Variants in NRK observed in about 807,000 individuals in gnomAD.
NRK encodes the protein nik-related protein kinase.
In NRK, 67 loss-of-function variants were observed where a neutral mutation model predicts 125.2. That is an observed-to-expected ratio of 0.54 (90% CI 0.44 to 0.66). The LOEUF (loss-of-function observed/expected upper bound fraction) is 0.66, where lower values mean the gene tolerates loss of function less well. Among genes scored for constraint, NRK ranks in the 30% least tolerant of loss-of-function variants. The probability of loss-of-function intolerance (pLI) is 0.00; values close to 1 mark genes in which losing one functional copy is unlikely to be tolerated. For missense variants in NRK, 1,224 were observed against 1,192.9 expected (o/e 1.03, Z -0.38); for synonymous variants, 458 against 429.0 (o/e 1.07, Z -0.84).
chrX:105,945,879 T>C lies in NRK; in HGVS notation c.4067T>C (p.Ile1356Thr), dbSNP rs769469390. 5.0e-6 allele frequency: 6 copies of C among 1,208,408 alleles called. No homozygotes were observed. Among genetic ancestry groups the C allele is most frequent in the Non-Finnish European group, 5.6e-6 (5 of 892,831 alleles). ...FDESTAIKVCIDQSADSEGDY... is the reference protein window; with the variant it reads ...FDESTAIKVCTDQSADSEGDY... ...CTTTTCATTCCCTACCAAGTATGCA[T>C]TGATCAATCAGCAGACTCTGAAGGA... is the stretch of plus-strand genomic sequence containing the variant. Residue 1356 changes from isoleucine to threonine, a missense_variant, in exon 25 of 29, where the codon ATT becomes ACT. Ile to Thr is a moderately conservative substitution (Grantham distance 89). Coordinates refer to ENST00000243300, the MANE Select transcript of NRK (RefSeq NM_198465.4).
At chrX:105,893,490 C>G (rs2040040321) in intron 5 of NRK, among the ~76,000 whole-genome samples, 2 of 111,944 alleles carry the variant, frequency 1.8e-5, no homozygotes, top group Non-Finnish European at 1.9e-5. Flanking sequence ...AAACTTCTTT[C>G]TAAAAGCATG....
At chrX:105,910,036 C>T (rs2040279101) in intron 13 of NRK, among the ~76,000 whole-genome samples, 154 bp downstream of exon 13, 1 of 111,742 alleles carries the variant, frequency 8.9e-6, no homozygotes, top group Admixed American at 9.5e-5. Flanking sequence ...AATAAATTTT[C>T]ATGAAATTTC....
chrX:105,933,177 T>C (rs998312022), intron 19 of NRK, among the ~76,000 whole-genome samples: 3 of 107,782 alleles, frequency 2.8e-5, no homozygotes, highest in African/African-American at 1.0e-4. Flanking sequence ...TCTATCTATC[T>C]ATCTATCTAT....
intron 26 of NRK, among the ~76,000 whole-genome samples, chrX:105,947,508 A>G (rs1445686146): frequency 9.0e-6 from 1 of 111,095 alleles, no homozygotes; most frequent in African/African-American, 3.3e-5. Context: ...TGTCATAAAA[A>G]TATTATACAC....
chrX:105,866,882 T>C (rs1480604025), intron 2 of NRK, among the ~76,000 whole-genome samples: 1 of 111,461 alleles, frequency 9.0e-6, no homozygotes, highest in African/African-American at 3.3e-5. Context: ...AAAAAGATTA[T>C]TTAATCTATT....
chrX:105,920,316 G>A (rs1304292656), intron 16 of NRK, among the ~76,000 whole-genome samples: 1 of 107,388 alleles, frequency 9.3e-6, no homozygotes, highest in Admixed American at 9.8e-5. Context: ...ATAGTTTGAA[G>A]TGAGGTAGTG....
chrX:105,939,592 C>G (rs1331258676), intron 22 of NRK, among the ~76,000 whole-genome samples: 2 of 110,777 alleles, frequency 1.8e-5, no homozygotes, highest in Non-Finnish European at 1.9e-5. Context: ...AATTATCTTG[C>G]CTGCATAGTG....
chrX:105,895,238 C>G (rs1335668569), intron 6 of NRK, 195 bp from the exon 7 acceptor site: 1 of 522,008 alleles, frequency 1.9e-6, no homozygotes, highest in Middle Eastern at 3.1e-4. Context: ...TTCCTTATAG[C>G]CAAAAGTCAT....
chrX:105,905,323 C>T lies in NRK; in HGVS notation c.825C>T (p.Pro275=), dbSNP rs1275561305. The T allele has an allele frequency of 1.7e-6, 2 of 1,198,196 alleles. No individual in the cohort carries two copies. Among genetic ancestry groups the T allele is most frequent in the Non-Finnish European group, 2.3e-6 (2 of 883,993 alleles). The change falls in exon 10 of 29, where the codon CCC becomes CCT. Residue 275 remains proline, a synonymous_variant. Coordinates refer to ENST00000243300, the MANE Select transcript of NRK (RefSeq NM_198465.4). ...TCGTTATTTTGCGGGAATCTGCTCC[C>T]ACAGTCAAATCCAGCGGATGGTAAA... is the stretch of plus-strand genomic sequence containing the variant. ...ALFVILRESA[P]TVKSSGWSRK... is the part of the protein sequence containing the mutation.
intron 7 of NRK, among the ~76,000 whole-genome samples, chrX:105,897,394 G>A (rs767142239): frequency 8.9e-6 from 1 of 112,411 alleles, no homozygotes; most frequent in South Asian, 3.7e-4. Flanking sequence ...TATTGCAGTT[G>A]CAATTGCTCG....
chrX:105,830,314 CAAAAAAAAAAAA>C (rs71932033), intron 1 of NRK, among the ~76,000 whole-genome samples: 4 of 11,050 alleles, frequency 3.6e-4, no homozygotes, highest in Non-Finnish European at 4.6e-4. Context: ...AACTCCGTCG[CAAAAAAAAAAAA>C]AAAAAAAAAA....
In NRK at chrX:105,921,974, T is replaced by G; in HGVS notation, c.2523T>G (p.Ser841=). The G allele has an allele frequency of 8.8e-7, 1 of 1,132,228 alleles. No individual in the cohort carries two copies. The highest frequency in any genetic ancestry group is 1.2e-6 in the Non-Finnish European group (1 of 826,673). The allele number at this position is 1,132,228 out of a possible 1,213,427, so 93.3% of individuals were successfully genotyped here. The change falls in exon 17 of 29, where the codon TCT becomes TCG. Residue 841 remains serine (S), a synonymous_variant. Coordinates refer to ENST00000243300, the MANE Select transcript of NRK (RefSeq NM_198465.4). ...QNWLAASESS[S]EEESPVTGRR... The stretch of plus-strand genomic sequence containing the variant: ...TTTGGCATTCCATAGAATCTTCTTC[T>G]GAGGAAGAAAGTCCTGTGACTGGAA...
chrX:105,891,484 A>G, intron 5 of NRK, among the ~76,000 whole-genome samples: 1 of 112,094 alleles, frequency 8.9e-6, no homozygotes, highest in Middle Eastern at 4.6e-3. Context: ...GCTTTTCAGT[A>G]TCTTCAAGTG....
At chrX:105,869,617 T>C (rs1269348057) in intron 2 of NRK, among the ~76,000 whole-genome samples, 1 of 111,672 alleles carries the variant, frequency 9.0e-6, no homozygotes, top group African/African-American at 3.3e-5. Flanking sequence ...TTTTAAAAAA[T>C]GCATCAACAT....
intron 2 of NRK, among the ~76,000 whole-genome samples, chrX:105,848,502 T>C (rs1250563378): frequency 8.9e-6 from 1 of 112,275 alleles, no homozygotes; most frequent in African/African-American, 3.2e-5. Flanking sequence ...GAAACTATAA[T>C]ATTTTTCAAA....
intron 23 of NRK, among the ~76,000 whole-genome samples, chrX:105,942,429 T>C (rs1225863883): frequency 9.0e-6 from 1 of 111,648 alleles, no homozygotes; most frequent in Non-Finnish European, 1.9e-5. Context: ...GCCATCCCCA[T>C]GGGTGTAAAG....
chrX:105,948,446 A>G lies in NRK; in HGVS notation c.4354-1129A>G, dbSNP rs1602705136. On this transcript the variant is annotated intron_variant, in intron 26 of 28. Coordinates refer to ENST00000243300, the MANE Select transcript of NRK (RefSeq NM_198465.4). ...TTTTCCAAGAGTGCTAGATTACAAA[A>G]GCTGTAATGATACAAGGGAACCATG... The G allele has an allele frequency of 9.9e-6, 3 of 302,467 alleles. No homozygotes were observed. The East Asian group carries it at 1.5e-4, about 15-fold the overall frequency. The allele number at this position is 302,467 out of a possible 1,213,427, so 24.9% of individuals were successfully genotyped here. A position where few individuals can be genotyped will look rare whatever the true frequency, so the allele number is the denominator to read the frequency against.
chrX:105,920,316 G>T (rs1304292656), intron 16 of NRK, among the ~76,000 whole-genome samples: 1 of 107,388 alleles, frequency 9.3e-6, no homozygotes, highest in Non-Finnish European at 1.9e-5. Context: ...ATAGTTTGAA[G>T]TGAGGTAGTG....
chrX:105,945,332 G>A lies in NRK; in HGVS notation c.4060-540G>A, dbSNP rs188779480. Among the ~76,000 whole-genome samples, 49 of 112,350 alleles carry A rather than the reference G, an allele frequency of 4.4e-4. 1 individual carries two copies. In the East Asian group the frequency reaches 0.013, roughly 30 times the overall value. The stretch of plus-strand genomic sequence containing the variant: ...TGAAATACTTTTGTATCTTAAGTCA[G>A]GATCTGTTTACATGGTATATTTTGT... On this transcript the variant is annotated intron_variant, in intron 24 of 28. Coordinates refer to ENST00000243300, the MANE Select transcript of NRK (RefSeq NM_198465.4).
Sources: gnomAD v4.1 joint callset for allele counts (sites outside exome capture counted in the v4.1 genomes callset) on GRCh38, gnomAD v4.1.1 for gene constraint, MANE v1.5 for transcripts, NCBI Gene and HGNC (gene_info 2026-07-23, HGNC 2026-07-21) for gene names.